ERAP1: variants seen among roughly 807,000 people sequenced by gnomAD.
ERAP1 encodes the protein endoplasmic reticulum aminopeptidase 1, also known as adipocyte-derived leucine aminopeptidase.
In ERAP1, 86 loss-of-function variants were observed where a neutral mutation model predicts 103.7. The ratio of observed to expected loss-of-function variants is 0.83; its 90% CI spans 0.70 to 0.99. The LOEUF is 0.99. Among genes scored for constraint, ERAP1 ranks in the 50% least tolerant of loss-of-function variants. The pLI, the probability that ERAP1 is intolerant of heterozygous loss-of-function variation, is 0.00. For missense variants in ERAP1, 1,009 were observed against 1,128.4 expected (o/e 0.89, Z 1.52); for synonymous variants, 398 against 402.4 (o/e 0.99, Z 0.13).
At chr5:96,793,328 G>C (rs907251126) in intron 7 of ERAP1, 72 bp downstream of exon 7, 7 of 1,013,970 alleles carry the variant, frequency 6.9e-6, no homozygotes, top group Non-Finnish European at 9.3e-6. Flanking sequence ...TCAAAGATTA[G>C]TGAATATTTT....
chr5:96,795,062 G>A lies in ERAP1; in HGVS notation c.899C>T (p.Pro300Leu), dbSNP rs370484274. The A allele has an allele frequency of 9.3e-5, 150 of 1,613,850 alleles. No individual in the cohort carries two copies. Among genetic ancestry groups the A allele is most frequent in the African/African-American group, 2.9e-4 (22 of 74,994 alleles). Residue 300 changes from proline (P) to leucine (L), a missense_variant, in exon 5 of 19, where the codon CCG (proline) becomes CTG (leucine). Coordinates refer to ENST00000443439, the MANE Select transcript of ERAP1 (RefSeq NM_001040458.3). Reference sequence around the variant, plus strand: ...TCTACCTTGTTTGGGTAGGGGATACGGTATGCTGAAATAATCCTCATAAAA... The same window carrying A: ...TCTACCTTGTTTGGGTAGGGGATACAGTATGCTGAAATAATCCTCATAAAA... ...LEFYEDYFSI[P>L]YPLPKQDLAA...
exon 20 of ERAP1, chr5:96,763,055 A>C (rs1581371225): frequency 1.3e-6 from 1 of 759,964 alleles, no homozygotes; most frequent in South Asian, 1.4e-5. Flanking sequence ...GCCCTAAACC[A>C]GATCCCCATC....
chr5:96,829,621 G>A, the ERAP1 span, among the ~76,000 whole-genome samples: 2 of 152,172 alleles, frequency 1.3e-5, no homozygotes, highest in South Asian at 2.1e-4. Flanking sequence ...TTAAATTAGC[G>A]AGGACACAGG....
intron 17 of ERAP1, 137 bp downstream of exon 17, chr5:96,780,921 A>G (rs758762076): frequency 3.1e-6 from 3 of 957,742 alleles, no homozygotes; most frequent in Non-Finnish European, 3.3e-6. Flanking sequence ...TTCTACAAAT[A>G]TTTTAGGTAT....
intron 1 of ERAP1, chr5:96,804,539 G>C (rs898086214): frequency 1.3e-5 from 2 of 155,870 alleles, no homozygotes; most frequent in African/African-American, 4.8e-5. Context: ...AAATTGTCAT[G>C]CCAAAAGTTA....
downstream of ERAP1, chr5:96,774,095 CTT>C (rs1254332454): frequency 1.3e-5 from 2 of 152,994 alleles, no homozygotes; most frequent in Non-Finnish European, 2.9e-5. Context: ...AGAAAAAACA[CTT>C]TTCCTGAGGG....
Position 96,793,460 on chromosome 5 carries a change from T to G in ERAP1, c.1128A>C (p.Glu376Asp). ...MEWWNDLWLN[E>D]GFAKFMEFVS... ...CAAACTCCATAAATTTGGCAAATCC[T>G]TCATTTAGCCAAAGATCATTCCACC... Residue 376 changes from glutamate (E) to aspartate (D), a missense_variant, in exon 7 of 19, where the codon GAA becomes GAC. Around this residue, in one of 3 missense-constraint regions of ERAP1, gnomAD observed 392 missense variants for 455.2 expected, o/e 0.86. Coordinates refer to ENST00000443439, the MANE Select transcript of ERAP1 (RefSeq NM_001040458.3). 2 of 1,613,946 alleles carry G rather than the reference T, an allele frequency of 1.2e-6. No homozygotes were observed. Among genetic ancestry groups the G allele is most frequent in the South Asian group, 2.2e-5 (2 of 91,080 alleles).
At chr5:96,763,353 T>C (rs1768693392) in intron 19 of ERAP1, 4 of 737,446 alleles carry the variant, frequency 5.4e-6, no homozygotes, top group Admixed American at 1.9e-5. Context: ...CGTGTGTGTG[T>C]ATGTGCATGT....
the ERAP1 span, among the ~76,000 whole-genome samples, chr5:96,859,341 C>T: frequency 3.9e-5 from 6 of 152,138 alleles, no homozygotes; most frequent in African/African-American, 9.7e-5. Flanking sequence ...CATTCACCTT[C>T]GTGTTCCCAA....
chr5:96,928,186 G>C, the ERAP1 span, among the ~76,000 whole-genome samples: 4 of 152,034 alleles, frequency 2.6e-5, no homozygotes, highest in Admixed American at 1.3e-4. Flanking sequence ...ACCACGCCTG[G>C]CTATCTTTTC....
At chr5:96,879,462 G>A in the ERAP1 span, 2 of 463,876 alleles carry the variant, frequency 4.3e-6, no homozygotes, top group Non-Finnish European at 7.7e-6. Context: ...CTGACAGAGA[G>A]CAGATTTTCC....
At chr5:96,929,950 T>A in the ERAP1 span, among the ~76,000 whole-genome samples, 1 of 152,202 alleles carries the variant, frequency 6.6e-6, no homozygotes, top group East Asian at 1.9e-4. Context: ...AACATTTTGG[T>A]TGCTTAACTC....
At chr5:96,863,001 C>A in the ERAP1 span, among the ~76,000 whole-genome samples, 2 of 152,198 alleles carry the variant, frequency 1.3e-5, no homozygotes, top group Non-Finnish European at 2.9e-5. Flanking sequence ...AAGTGGCACA[C>A]TTGCCATGTT....
chr5:96,850,748 A>G, the ERAP1 span, among the ~76,000 whole-genome samples: 1 of 152,226 alleles, frequency 6.6e-6, no homozygotes, highest in Non-Finnish European at 1.5e-5. Flanking sequence ...ATGTATAATT[A>G]TTGTCAATTA....
chr5:96,776,280 G>C lies in ERAP1; in HGVS notation c.*116C>G. 1 of 1,533,576 alleles carries C rather than the reference G, an allele frequency of 6.5e-7. No individual in the cohort carries two copies. Among genetic ancestry groups the C allele is most frequent in the Non-Finnish European group, 8.7e-7 (1 of 1,146,480 alleles). 95.0% of individuals were successfully genotyped at this position (1,533,576 alleles called of 1,614,324 possible). ...TTTCACAGGGATAGTCAAAAAATGA[G>C]TTGAAGGGAAAAAAGTATCTCCAGT... is the stretch of plus-strand genomic sequence containing the variant. On this transcript the variant is annotated 3_prime_UTR_variant, in exon 19 of 19. Transcript: ENST00000443439.
chr5:96,889,174 A>G, the ERAP1 span: 5 of 1,613,632 alleles, frequency 3.1e-6, no homozygotes, highest in Non-Finnish European at 3.4e-6. Context: ...CTTCTGATCC[A>G]CATTTCCCAG....
chr5:96,803,523 G>A lies in ERAP1; in HGVS notation c.404C>T (p.Ala135Val). 1 of 1,613,484 alleles carries A rather than the reference G, an allele frequency of 6.2e-7. No individual in the cohort carries two copies. Among genetic ancestry groups the A allele is most frequent in the Non-Finnish European group, 8.5e-7 (1 of 1,179,464 alleles). ...HPRQEQIALL[A>V]PEPLLVGLPY... ...GAGCCCGACAAGGAGGGGCTCGGGA[G>A]CCAGCAGTGCAATTTGCTCCTGACG... Residue 135 changes from alanine to valine, a missense_variant, in exon 2 of 19, where the codon GCT (alanine) becomes GTT (valine). Physicochemically the swap from Ala to Val is moderately conservative, Grantham distance 64. Coordinates refer to ENST00000443439, the MANE Select transcript of ERAP1 (RefSeq NM_001040458.3).
chr5:96,912,188 C>CAAAAAAAAAAA, the ERAP1 span, among the ~76,000 whole-genome samples: 1 of 84,246 alleles, frequency 1.2e-5, no homozygotes, highest in Non-Finnish European at 2.4e-5. Flanking sequence ...GACTCCACCT[C>CAAAAAAAAAAA]AAAAAAAAAA....
the ERAP1 span, among the ~76,000 whole-genome samples, chr5:96,820,580 C>T: frequency 6.6e-6 from 1 of 151,970 alleles, no homozygotes; most frequent in African/African-American, 2.4e-5. Flanking sequence ...TGTAATTTTT[C>T]AGTGAGTCCT....
Sources: allele counts gnomAD v4.1 joint callset (sites outside exome capture counted in the v4.1 genomes callset), GRCh38; gene constraint gnomAD v4.1.1; regional missense constraint gnomAD v4.1.1; transcripts MANE v1.5; gene names NCBI Gene and HGNC (gene_info 2026-07-23, HGNC 2026-07-21).